RBFOX2: variants seen among roughly 807,000 people sequenced by gnomAD.
RBFOX2 encodes the protein RNA binding protein fox-1 homolog 2.
Under a neutral mutation model 49.1 loss-of-function variants are expected in RBFOX2, and 10 were observed. The ratio of observed to expected loss-of-function variants is 0.20; its 90% CI spans 0.13 to 0.35. The LOEUF is 0.35. RBFOX2 is among the 10% of genes least tolerant of loss of function. The pLI, the probability that RBFOX2 is intolerant of heterozygous loss-of-function variation, is 1.00. For synonymous variants in RBFOX2, 183 were observed against 187.4 expected (o/e 0.98, Z 0.19); for missense variants, 323 against 486.9 (o/e 0.66, Z 3.17).
intron 1 of RBFOX2, among the ~76,000 whole-genome samples, chr22:35,858,191 T>C (rs1192640910): frequency 6.6e-6 from 1 of 152,220 alleles, no homozygotes; most frequent in Non-Finnish European, 1.5e-5. Flanking sequence ...GGATACTTGA[T>C]TTCCAAGTGG....
At chr22:35,744,311 GA>G in intron 11 of RBFOX2, 62 bp from the exon 14 acceptor site, 10 of 1,457,128 alleles carry the variant, frequency 6.9e-6, no homozygotes, top group Non-Finnish European at 9.4e-6. Flanking sequence ...TAACAGTGAA[GA>G]AAAATGTCCA....
chr22:35,841,975 T>C (rs2040554680), upstream of RBFOX2, among the ~76,000 whole-genome samples: 1 of 152,190 alleles, frequency 6.6e-6, no homozygotes, highest in Admixed American at 6.5e-5. Flanking sequence ...GGTGGATTTC[T>C]TGGGCCCAGA....
intron 1 of RBFOX2, among the ~76,000 whole-genome samples, chr22:35,912,726 G>GT (rs2049970248): frequency 6.6e-6 from 1 of 152,090 alleles, no homozygotes; most frequent in South Asian, 2.1e-4. Context: ...AGATATATGG[G>GT]TTTTCCGGGG....
chr22:35,763,776 G>A (rs1388337382), intron 6 of RBFOX2, among the ~76,000 whole-genome samples: 1 of 152,130 alleles, frequency 6.6e-6, no homozygotes, highest in Non-Finnish European at 1.5e-5. Flanking sequence ...AGCTGGGAGG[G>A]TTGAGTTTCA....
At chr22:35,769,862 G>A (rs1443377297) in intron 4 of RBFOX2, among the ~76,000 whole-genome samples, 1 of 152,136 alleles carries the variant, frequency 6.6e-6, no homozygotes, top group East Asian at 1.9e-4. Context: ...TGGGTGGGTG[G>A]TGTTTTGGAG....
At chr22:35,863,935 C>T (rs2043384510) in intron 1 of RBFOX2, among the ~76,000 whole-genome samples, 2 of 152,176 alleles carry the variant, frequency 1.3e-5, no homozygotes, top group Admixed American at 1.3e-4. Flanking sequence ...ATTACTCCAA[C>T]ACCTAAAGTG....
At chr22:35,808,600 C>A (rs1951201833) in intron 2 of RBFOX2, among the ~76,000 whole-genome samples, 1 of 152,154 alleles carries the variant, frequency 6.6e-6, no homozygotes, top group Non-Finnish European at 1.5e-5. Flanking sequence ...CTAATCCCAG[C>A]ACTTTGGGAG....
intron 1 of RBFOX2, among the ~76,000 whole-genome samples, chr22:35,827,928 A>G (rs1368838638): frequency 6.6e-6 from 1 of 152,206 alleles, no homozygotes; most frequent in East Asian, 1.9e-4. Flanking sequence ...GCACTTTGGG[A>G]GGCCGAGGTG....
chr22:35,748,017 C>T (rs930904078), intron 9 of RBFOX2: 1 of 152,166 alleles, frequency 6.6e-6, no homozygotes, highest in African/African-American at 2.4e-5. Context: ...TTTGTTACCC[C>T]TTATTTTAGA....
chr22:35,850,750 T>C (rs1298645114), intron 1 of RBFOX2, among the ~76,000 whole-genome samples: 1 of 152,000 alleles, frequency 6.6e-6, no homozygotes. Context: ...GGTTCAAGAG[T>C]TGGCTTTCAG....
chr22:35,904,883 C>T (rs940656892), intron 1 of RBFOX2, among the ~76,000 whole-genome samples: 3 of 152,116 alleles, frequency 2.0e-5, no homozygotes, highest in Non-Finnish European at 4.4e-5. Flanking sequence ...TAATACTAGC[C>T]ACATGTCAAG....
chr22:35,813,042 G>A (rs1952227034), intron 1 of RBFOX2, among the ~76,000 whole-genome samples: 1 of 128 alleles, frequency 7.8e-3, no homozygotes, highest in Non-Finnish European at 0.018. Flanking sequence ...TTCCTAGAGG[G>A]GTTATGTACC....
At chr22:35,814,367 G>A (rs988193491) in intron 1 of RBFOX2, among the ~76,000 whole-genome samples, 2 of 151,978 alleles carry the variant, frequency 1.3e-5, no homozygotes, top group Admixed American at 6.6e-5. Context: ...ATAATACCTA[G>A]TACAATGTAA....
intron 1 of RBFOX2, among the ~76,000 whole-genome samples, chr22:36,017,352 C>G (rs1569523717): frequency 2.0e-5 from 3 of 151,880 alleles, no homozygotes; most frequent in Non-Finnish European, 4.4e-5. Context: ...CATGGTGAAA[C>G]CCTGTCTCTA....
chr22:35,939,145 T>C (rs1603451148), upstream of RBFOX2: 2 of 660,522 alleles, frequency 3.0e-6, no homozygotes, highest in East Asian at 5.9e-5. Flanking sequence ...GCTAAATCTG[T>C]TTCCTTTCCA....
intron 1 of RBFOX2, among the ~76,000 whole-genome samples, chr22:35,986,366 T>C (rs12166174): frequency 0.22 from 33,359 of 152,058 alleles, 4,714 homozygotes; most frequent in East Asian, 0.5. Flanking sequence ...AAGCACAAAC[T>C]GAGACCCATG....
chr22:35,942,361 A>G (rs2053781498), upstream of RBFOX2, among the ~76,000 whole-genome samples: 1 of 152,194 alleles, frequency 6.6e-6, no homozygotes, highest in Admixed American at 6.5e-5. Context: ...ATTTGGCAGT[A>G]CTATCAAAAT....
chr22:35,846,618 G>A (rs2041253040), intron 1 of RBFOX2, among the ~76,000 whole-genome samples: 1 of 151,956 alleles, frequency 6.6e-6, no homozygotes, highest in Non-Finnish European at 1.5e-5. Flanking sequence ...AGCTGGGTGT[G>A]GTGATGCCCA....
intron 1 of RBFOX2, among the ~76,000 whole-genome samples, chr22:35,971,002 T>C (rs888343088): frequency 7.9e-5 from 12 of 152,012 alleles, no homozygotes; most frequent in African/African-American, 2.9e-4. Flanking sequence ...CAAGTATATA[T>C]ATAAAATATA....
Sources: allele counts gnomAD v4.1 joint callset (sites outside exome capture counted in the v4.1 genomes callset), GRCh38; gene constraint gnomAD v4.1.1; transcripts MANE v1.5; gene names NCBI Gene and HGNC (gene_info 2026-07-23, HGNC 2026-07-21).